The following LZTS1 variants were observed in gnomAD, a reference collection of about 807,000 sequenced individuals.
The protein encoded by LZTS1 is leucine zipper putative tumor suppressor 1.
LZTS1 carries 31 observed loss-of-function variants against 45.8 expected under a neutral mutation model. The ratio of observed to expected loss-of-function variants is 0.68; its 90% confidence interval spans 0.51 to 0.91. The LOEUF is 0.91. LZTS1 is among the 40% of genes least tolerant of loss of function. The pLI, the probability that LZTS1 is intolerant of heterozygous loss-of-function variation, is 0.00. For missense variants in LZTS1, 821 were observed against 788.9 expected (o/e 1.04, Z -0.49); for synonymous variants, 359 against 357.3 (o/e 1.00, Z -0.05).
At chr8:20,252,127 G>A (rs867785913) in intron 3 of LZTS1, among the ~76,000 whole-genome samples, 1 of 152,184 alleles carries the variant, frequency 6.6e-6, no homozygotes, top group Non-Finnish European at 1.5e-5. Flanking sequence ...ACTAATAGAT[G>A]CAGAGGTTAT....
At chr8:20,265,700 A>AAAAAAAAAAAAC (rs1452869052) in intron 1 of LZTS1, among the ~76,000 whole-genome samples, 1 of 150,298 alleles carries the variant, frequency 6.7e-6, no homozygotes, top group Non-Finnish European at 1.5e-5. Context: ...AAAAAAAAAA[A>AAAAAAAAAAAAC]AAGGCAGGGG....
At chr8:20,285,333 G>T (rs1403906044) in intron 1 of LZTS1, among the ~76,000 whole-genome samples, 1 of 152,150 alleles carries the variant, frequency 6.6e-6, no homozygotes, top group Non-Finnish European at 1.5e-5. Context: ...GTTCTTCCAT[G>T]TGTAGATACG....
At chr8:20,268,586 C>A (rs1035646506) in intron 1 of LZTS1, among the ~76,000 whole-genome samples, 1 of 152,178 alleles carries the variant, frequency 6.6e-6, no homozygotes, top group Non-Finnish European at 1.5e-5. Context: ...CATCTCAGCC[C>A]AGGCTGCAAA....
intron 1 of LZTS1, among the ~76,000 whole-genome samples, chr8:20,263,524 G>A (rs1224640247): frequency 6.6e-6 from 1 of 152,172 alleles, no homozygotes; most frequent in African/African-American, 2.4e-5. Flanking sequence ...GAACTTTGGA[G>A]AGGAACAAAT....
Position 20,253,494 on chromosome 8 carries a change from C to G in LZTS1, c.437G>C (p.Ser146Thr). The change falls in exon 3 of 4, where the codon AGC becomes ACC. Residue 146 changes from serine (S) to threonine (T), a missense_variant. By Grantham distance (58) the Ser-to-Thr change is moderately conservative (BLOSUM62 1). Coordinates refer to ENST00000381569, the MANE Select transcript of LZTS1 (RefSeq NM_021020.5). ...TGGAGGGGCGGGGTGCAGCTGGTGG[C>G]TGGCACTCTCCGGGGAGGAGTGCAG... ...AILHSSPESA[S>T]HQLHPAPPDK... 6.3e-7 allele frequency: 1 copy of G among 1,589,972 alleles called. No individual in the cohort carries two copies. The highest frequency in any genetic ancestry group is 8.5e-7 in the Non-Finnish European group (1 of 1,169,766).
chr8:20,264,422 T>C (rs1452415466), intron 1 of LZTS1, among the ~76,000 whole-genome samples: 1 of 152,160 alleles, frequency 6.6e-6, no homozygotes, highest in Admixed American at 6.5e-5. Context: ...CCCCGTTCCT[T>C]AAACTGTGCA....
chr8:20,251,641 G>C (rs770442859), intron 3 of LZTS1, among the ~76,000 whole-genome samples: 1 of 152,162 alleles, frequency 6.6e-6, no homozygotes, highest in East Asian at 1.9e-4. Flanking sequence ...TGGGGGATAG[G>C]GGTGGAAATA....
intron 1 of LZTS1, among the ~76,000 whole-genome samples, chr8:20,287,876 A>C (rs1363173152): frequency 7.0e-6 from 1 of 142,204 alleles, no homozygotes; most frequent in African/African-American, 2.6e-5. Flanking sequence ...CAGTAAGCTA[A>C]TCACGCCAAA....
intron 1 of LZTS1, among the ~76,000 whole-genome samples, chr8:20,271,626 G>A (rs530319219): frequency 9.2e-5 from 14 of 152,236 alleles, no homozygotes; most frequent in African/African-American, 3.4e-4. Context: ...CCATCCTCTC[G>A]GTTCTTTCCC....
intron 1 of LZTS1, among the ~76,000 whole-genome samples, chr8:20,285,206 C>T (rs970955748): frequency 6.6e-5 from 10 of 152,198 alleles, no homozygotes; most frequent in Non-Finnish European, 1.2e-4. Flanking sequence ...GAGATTCTCC[C>T]TCCTTTTACT....
chr8:20,253,391 G>C lies in LZTS1; in HGVS notation c.540C>G (p.Ser180=). 6.2e-7 allele frequency: 1 copy of C among 1,612,716 alleles called. No homozygotes were observed. Among genetic ancestry groups the C allele is most frequent in the Non-Finnish European group, 8.5e-7 (1 of 1,179,116 alleles). ...TGCTGGTGCTGTGTGTGGGCAGGCT[G>C]GACATGGAGTTCCGGCCGGAGTCTG... is the stretch of plus-strand genomic sequence containing the variant. The part of the protein sequence containing the change: ...ALSDSGRNSM[S]SLPTHSTSSS... The change falls in exon 3 of 4, where the codon TCC becomes TCG. Residue 180 remains serine (S), a synonymous_variant. Coordinates refer to ENST00000381569, the MANE Select transcript of LZTS1 (RefSeq NM_021020.5).
In LZTS1 at chr8:20,255,213, G is replaced by A. The variant is rs377470662; in HGVS notation, c.-32C>T. On this transcript the variant is annotated 5_prime_UTR_variant, in exon 2 of 4. Coordinates refer to ENST00000381569, the MANE Select transcript of LZTS1 (RefSeq NM_021020.5). ...TCGGGGCTGAGGATGGGGCAGGGCC[G>A]GGCAGGGTCTTGGAAAGGCTGTGGC... is the stretch of plus-strand genomic sequence containing the variant. 6.1e-5 allele frequency: 97 copies of A among 1,586,452 alleles called. No homozygotes were observed. In the African/African-American group the frequency reaches 6.2e-4, roughly 10 times the overall value.
chr8:20,261,543 TC>T, intron 1 of LZTS1, among the ~76,000 whole-genome samples: 1 of 152,284 alleles, frequency 6.6e-6, no homozygotes, highest in East Asian at 1.9e-4. Flanking sequence ...AGCTGCCCCA[TC>T]CCCAGCCCCC....
At chr8:20,301,210 G>A (rs917873930) in intron 1 of LZTS1, among the ~76,000 whole-genome samples, 1 of 151,578 alleles carries the variant, frequency 6.6e-6, no homozygotes, top group Non-Finnish European at 1.5e-5. Flanking sequence ...AGAAGAAACA[G>A]TGTTTCTATG....
Position 20,265,702 on chromosome 8 carries a change from A to AAAAAAG in LZTS1, c.-134-10388_-134-10387insCTTTTT, listed in dbSNP as rs1800340689. Among the ~76,000 whole-genome samples, 8 of 146,610 alleles carry AAAAAAG rather than the reference A, an allele frequency of 5.5e-5. No homozygotes were observed. In the East Asian group the frequency reaches 1.0e-3, roughly 19 times the overall value. ...AAAAAAAAAAAAAAAAAAAAAAAAAAGGCAGGGGAGAAAACAACCCCTGAA... is the reference window on the plus strand; with the variant it reads ...AAAAAAAAAAAAAAAAAAAAAAAAAAAAAAAGGGCAGGGGAGAAAACAACCCCTGAA... On this transcript the variant is annotated intron_variant, in intron 1 of 3. Coordinates refer to ENST00000381569, the MANE Select transcript of LZTS1 (RefSeq NM_021020.5).
In LZTS1 at chr8:20,249,920, C is replaced by T; in HGVS notation, c.1593G>A (p.Val531=). ...TCACCTTCTCCTTCTCCTCCTTCCA[C>T]ACGAGCCGCTCATGCTGGAAGCCCG... is the stretch of plus-strand genomic sequence containing the variant. ...MSSGFQHERL[V]WKEEKEKVIQ... is the part of the protein sequence containing the mutation. Residue 531 remains valine (V), a synonymous_variant, in exon 4 of 4, where the codon GTG becomes GTA. Coordinates refer to ENST00000381569, the MANE Select transcript of LZTS1 (RefSeq NM_021020.5). 1 of 1,614,182 alleles carries T rather than the reference C, an allele frequency of 6.2e-7. No homozygotes were observed. Among genetic ancestry groups the T allele is most frequent in the South Asian group, 1.1e-5 (1 of 91,088 alleles).
chr8:20,253,155 T>C lies in LZTS1; in HGVS notation c.776A>G (p.Asp259Gly), dbSNP rs764648479. Residue 259 changes from aspartate to glycine, a missense_variant, in exon 3 of 4, where the codon GAC (aspartate) becomes GGC (glycine). Asp to Gly is a moderately conservative substitution (Grantham distance 94, BLOSUM62 -1). Transcript: ENST00000381569. ...PSCVRSPIST[D>G]ECSIQELEQK... The stretch of plus-strand genomic sequence containing the variant: ...CTCCAGCTCCTGGATGCTGCACTCG[T>C]CCGTGGAGATGGGGGAGCGGACACA... 16 of 1,613,216 alleles carry C rather than the reference T, an allele frequency of 9.9e-6. No homozygotes were observed. Among genetic ancestry groups the C allele is most frequent in the Non-Finnish European group, 5.1e-6 (6 of 1,180,024 alleles).
At chr8:20,299,905 G>T (rs1300221878) in intron 1 of LZTS1, among the ~76,000 whole-genome samples, 1 of 152,182 alleles carries the variant, frequency 6.6e-6, no homozygotes. Flanking sequence ...CACGTAGTTG[G>T]ATACTTCTTT....
chr8:20,278,805 G>A (rs899767357), intron 1 of LZTS1, among the ~76,000 whole-genome samples: 1 of 152,044 alleles, frequency 6.6e-6, no homozygotes, highest in African/African-American at 2.4e-5. Flanking sequence ...ACTAGGCACT[G>A]CCTTTCTAAA....
Sources: gnomAD v4.1 joint callset for allele counts (sites outside exome capture counted in the v4.1 genomes callset) on GRCh38, gnomAD v4.1.1 for gene constraint, MANE v1.5 for transcripts, NCBI Gene and HGNC (gene_info 2026-07-23, HGNC 2026-07-21) for gene names.